CADM2: variants seen among roughly 807,000 people sequenced by gnomAD.
CADM2 encodes immunoglobulin superfamily member 4D.
CADM2 carries 12 observed loss-of-function variants against 49.8 expected under a neutral mutation model. That is an observed-to-expected ratio of 0.24 (90% CI 0.15 to 0.39). The LOEUF (loss-of-function observed/expected upper bound fraction) is 0.39, where lower values mean the gene tolerates loss of function less well. Ranked by LOEUF, CADM2 falls within the 10% of genes least tolerant of loss-of-function variation. The pLI is 1.00. For missense variants in CADM2, 378 were observed against 492.3 expected, an observed-to-expected ratio of 0.77 and a Z score of 2.20; for synonymous variants, 214 against 175.4, an observed-to-expected ratio of 1.22 and a Z score of -1.74.
intron 1 of CADM2, among the ~76,000 whole-genome samples, chr3:85,320,506 G>A (rs1435965414): frequency 1.3e-5 from 2 of 152,066 alleles, no homozygotes; most frequent in Non-Finnish European, 1.5e-5. Flanking sequence ...TGTAGCTGCC[G>A]GTGGTTGTCC....
chr3:85,548,345 T>G (rs2061717105), intron 1 of CADM2, among the ~76,000 whole-genome samples: 1 of 147,960 alleles, frequency 6.8e-6, no homozygotes, highest in South Asian at 2.2e-4. Context: ...AGAGATAACA[T>G]GCCATAGTCT....
chr3:85,981,089 A>T (rs193024418), intron 8 of CADM2, among the ~76,000 whole-genome samples: 2 of 151,364 alleles, frequency 1.3e-5, no homozygotes, highest in South Asian at 4.1e-4. Context: ...TTGTGGGAAA[A>T]TATTACATGT....
At chr3:84,965,876 A>T (rs925639949) in intron 1 of CADM2, among the ~76,000 whole-genome samples, 6 of 152,180 alleles carry the variant, frequency 3.9e-5, no homozygotes, top group African/African-American at 1.2e-4. Context: ...GTTATGTCAC[A>T]TCAATAGAGA....
intron 1 of CADM2, among the ~76,000 whole-genome samples, chr3:85,315,378 G>A (rs544149077): frequency 2.6e-5 from 4 of 152,132 alleles, no homozygotes; most frequent in African/African-American, 9.6e-5. Context: ...CTTAAGTATC[G>A]GGGGTTAAAA....
intron 7 of CADM2, among the ~76,000 whole-genome samples, chr3:85,951,944 T>C (rs1180386294): frequency 2.7e-5 from 4 of 150,738 alleles, no homozygotes; most frequent in African/African-American, 9.7e-5. Context: ...TAAGACTGGC[T>C]AAGGAGGGAA....
At chr3:85,751,991 T>G (rs1273940856) in intron 2 of CADM2, among the ~76,000 whole-genome samples, 1 of 151,454 alleles carries the variant, frequency 6.6e-6, no homozygotes, top group Non-Finnish European at 1.5e-5. Flanking sequence ...AAAAGGGCCC[T>G]AGCACAAAAC....
intron 3 of CADM2, among the ~76,000 whole-genome samples, chr3:85,828,229 A>G (rs552071414): frequency 6.6e-6 from 1 of 152,014 alleles, no homozygotes; most frequent in Non-Finnish European, 1.5e-5. Context: ...TTGAACTTTC[A>G]TATTTGCCAT....
chr3:85,799,149 A>G lies in CADM2; in HGVS notation c.89-2898A>G, dbSNP rs531915721. Among the ~76,000 whole-genome samples, 12 of 152,282 alleles carry G rather than the reference A, an allele frequency of 7.9e-5. 1 individual carries two copies. The highest frequency in any genetic ancestry group is 2.9e-4 in the African/African-American group (12 of 41,566). On this transcript the variant is annotated intron_variant, in intron 2 of 9. Coordinates refer to ENST00000383699, the MANE Select transcript of CADM2 (RefSeq NM_001167675.2). ...TCCTGAGACTTTGTTGAAGTTGCTTATCAGCTTAAGGAGTTTTTGGGCTTA... is the reference window on the plus strand; with the variant it reads ...TCCTGAGACTTTGTTGAAGTTGCTTGTCAGCTTAAGGAGTTTTTGGGCTTA...
chr3:85,970,513 AT>A (rs1325322997), intron 8 of CADM2, among the ~76,000 whole-genome samples: 3 of 151,632 alleles, frequency 2.0e-5, no homozygotes, highest in African/African-American at 2.4e-5. Flanking sequence ...GTAAATAGAC[AT>A]TCATAGTTTT....
intron 1 of CADM2, among the ~76,000 whole-genome samples, chr3:85,515,779 A>T (rs921685237): frequency 1.3e-5 from 2 of 151,682 alleles, no homozygotes; most frequent in African/African-American, 4.8e-5. Context: ...GCTTGGCCCT[A>T]AGTGTTTCTT....
At chr3:85,600,758 G>A (rs926211638) in intron 1 of CADM2, among the ~76,000 whole-genome samples, 15 of 151,166 alleles carry the variant, frequency 9.9e-5, no homozygotes, top group African/African-American at 3.4e-4. Context: ...AAAATTTTCT[G>A]TACATCAGTA....
chr3:85,371,675 GTGTATATATATA>G (rs2033241861), intron 1 of CADM2, among the ~76,000 whole-genome samples: 2 of 103,204 alleles, frequency 1.9e-5, no homozygotes, highest in Admixed American at 2.1e-4. Context: ...GTGTGTGTGT[GTGTATATATATA>G]TATATATATA....
At chr3:85,780,309 G>C (rs1156809594) in intron 2 of CADM2, among the ~76,000 whole-genome samples, 2 of 152,150 alleles carry the variant, frequency 1.3e-5, no homozygotes, top group African/African-American at 4.8e-5. Flanking sequence ...CCTGAAGTGA[G>C]AAAACACTGG....
chr3:85,257,482 G>C (rs1191491150), intron 1 of CADM2, among the ~76,000 whole-genome samples: 1 of 152,030 alleles, frequency 6.6e-6, no homozygotes, highest in Non-Finnish European at 1.5e-5. Context: ...ATCTCAAAAA[G>C]TAGCCACTAA....
At chr3:85,017,380 A>G (rs2034298525) in intron 1 of CADM2, among the ~76,000 whole-genome samples, 1 of 152,234 alleles carries the variant, frequency 6.6e-6, no homozygotes, top group Non-Finnish European at 1.5e-5. Context: ...GAAATTTTAA[A>G]AAATATTCCC....
chr3:85,338,443 G>C (rs1411031561), intron 1 of CADM2, among the ~76,000 whole-genome samples: 2 of 151,396 alleles, frequency 1.3e-5, no homozygotes, highest in East Asian at 3.9e-4. Context: ...TAAGTAATCT[G>C]TGCAATAGCC....
chr3:85,321,575 G>T (rs1407034956), intron 1 of CADM2, among the ~76,000 whole-genome samples: 1 of 151,956 alleles, frequency 6.6e-6, no homozygotes, highest in African/African-American at 2.4e-5. Flanking sequence ...TTATTATGTT[G>T]TTCTCAATAT....
At chr3:85,892,096 G>A (rs1714520453) in intron 5 of CADM2, among the ~76,000 whole-genome samples, 1 of 152,158 alleles carries the variant, frequency 6.6e-6, no homozygotes, top group African/African-American at 2.4e-5. Flanking sequence ...TTGGGTTTGG[G>A]GAGAAGTCTG....
intron 8 of CADM2, among the ~76,000 whole-genome samples, chr3:85,995,547 C>T (rs896095247): frequency 2.6e-5 from 4 of 152,052 alleles, no homozygotes; most frequent in African/African-American, 9.7e-5. Context: ...AGCCATTTAA[C>T]CTACTTTCTG....
Sources: gnomAD v4.1 joint callset for allele counts (sites outside exome capture counted in the v4.1 genomes callset) on GRCh38, gnomAD v4.1.1 for gene constraint, MANE v1.5 for transcripts, NCBI Gene and HGNC (gene_info 2026-07-23, HGNC 2026-07-21) for gene names.